The following SNX24 variants were observed in gnomAD, a reference collection of about 807,000 sequenced individuals.
SNX24 encodes the protein sorting nexin-24.
In SNX24, 22 loss-of-function variants were observed where a neutral mutation model predicts 28.7. That is an observed-to-expected ratio of 0.77 (90% CI 0.55 to 1.10). The LOEUF (loss-of-function observed/expected upper bound fraction) is 1.10. Among genes scored for constraint, SNX24 ranks in the 50% least tolerant of loss-of-function variants. SNX24 has a pLI of 0.00. For synonymous variants in SNX24, 69 were observed against 71.5 expected, an observed-to-expected ratio of 0.96 and a Z score of 0.18; for missense variants, 221 against 201.1, an observed-to-expected ratio of 1.10 and a Z score of -0.60.
In SNX24 at chr5:122,982,606, T is replaced by A. The variant is rs77470897; in HGVS notation, c.250-17306T>A. On this transcript the variant is annotated intron_variant, in intron 3 of 6. Coordinates refer to ENST00000261369, the MANE Select transcript of SNX24 (RefSeq NM_014035.4). Reference sequence around the variant, plus strand: ...AGCTGCCCAGCACAGAACAAGTTGTTAACACATAATGCCTTTGAGGAATTT... The same window carrying A: ...AGCTGCCCAGCACAGAACAAGTTGTAAACACATAATGCCTTTGAGGAATTT... Among the ~76,000 whole-genome samples the A allele has an allele frequency of 8.3e-3, 1,260 of 152,334 alleles. 17 individuals carry two copies. The highest frequency in any genetic ancestry group is 0.029 in the African/African-American group (1,195 of 41,572).
At chr5:122,861,378 G>C (rs763630885) in intron 1 of SNX24, among the ~76,000 whole-genome samples, 10 of 152,090 alleles carry the variant, frequency 6.6e-5, no homozygotes, top group Non-Finnish European at 1.3e-4. Flanking sequence ...CCAGCCCTGC[G>C]AAGTATTACT....
At chr5:122,931,220 A>G (rs1561614664) in intron 1 of SNX24, among the ~76,000 whole-genome samples, 1 of 152,170 alleles carries the variant, frequency 6.6e-6, no homozygotes, top group Admixed American at 6.5e-5. Context: ...TCAATGTGGC[A>G]TCTTAAAATA....
intron 3 of SNX24, among the ~76,000 whole-genome samples, chr5:122,953,369 T>C (rs1472778214): frequency 6.6e-6 from 1 of 152,122 alleles, no homozygotes; most frequent in Non-Finnish European, 1.5e-5. Flanking sequence ...CCTCCCAGAG[T>C]GCTAGGATTA....
intron 1 of SNX24, among the ~76,000 whole-genome samples, chr5:122,877,083 A>G (rs951831638): frequency 1.3e-5 from 2 of 152,074 alleles, no homozygotes; most frequent in African/African-American, 4.8e-5. Flanking sequence ...GAAGCTGTCA[A>G]AGTTAACCCT....
intron 1 of SNX24, among the ~76,000 whole-genome samples, chr5:122,912,430 A>G (rs1243231784): frequency 6.6e-6 from 1 of 151,914 alleles, no homozygotes; most frequent in Non-Finnish European, 1.5e-5. Flanking sequence ...GGACAATTTG[A>G]CTTCCTCTTT....
At chr5:122,981,863 A>C (rs1761409709) in intron 3 of SNX24, among the ~76,000 whole-genome samples, 1 of 152,102 alleles carries the variant, frequency 6.6e-6, no homozygotes, top group Non-Finnish European at 1.5e-5. Context: ...CTTTGACTCT[A>C]CTCACTCATC....
At chr5:122,977,142 A>C (rs1389976428) in intron 3 of SNX24, among the ~76,000 whole-genome samples, 1 of 152,180 alleles carries the variant, frequency 6.6e-6, no homozygotes, top group Non-Finnish European at 1.5e-5. Flanking sequence ...CTTTGAAGTG[A>C]AGAAATGGGG....
At chr5:122,909,084 T>C (rs1233142176) in intron 1 of SNX24, among the ~76,000 whole-genome samples, 1 of 152,190 alleles carries the variant, frequency 6.6e-6, no homozygotes, top group Admixed American at 6.5e-5. Flanking sequence ...GACATGCACT[T>C]ATTCCACATA....
intron 1 of SNX24, among the ~76,000 whole-genome samples, chr5:122,899,508 C>T (rs1757338969): frequency 6.6e-6 from 1 of 151,990 alleles, no homozygotes; most frequent in South Asian, 2.1e-4. Flanking sequence ...TCGCAGGCTC[C>T]ATCTGTCCTC....
In SNX24 at chr5:122,913,636, C is replaced by A. The variant is rs1345240882; in HGVS notation, c.61-23098C>A. 2.0e-5 allele frequency among the ~76,000 whole-genome samples: 3 copies of A among 151,848 alleles called. No homozygotes were observed. The East Asian group carries it at 5.9e-4, about 30-fold the overall frequency. ...CCTCACTTCTCAGACGGGGCGGCTG[C>A]CAGGCAGAGGGTCTCCTTACTTCTC... On this transcript the variant is annotated intron_variant, in intron 1 of 6. Transcript: ENST00000261369.
chr5:122,846,626 T>C (rs1393791365), intron 1 of SNX24, among the ~76,000 whole-genome samples: 2 of 152,232 alleles, frequency 1.3e-5, no homozygotes, highest in Non-Finnish European at 2.9e-5. Context: ...TAAATATTAC[T>C]GGTATTTGGT....
At chr5:122,979,741 A>G (rs1273078743) in intron 3 of SNX24, among the ~76,000 whole-genome samples, 1 of 152,218 alleles carries the variant, frequency 6.6e-6, no homozygotes, top group Admixed American at 6.5e-5. Context: ...AAATTAGGTA[A>G]TCTTTAGATA....
chr5:122,970,363 A>G (rs1304587331), intron 3 of SNX24, among the ~76,000 whole-genome samples: 2 of 152,010 alleles, frequency 1.3e-5, no homozygotes, highest in Non-Finnish European at 2.9e-5. Context: ...TGTGGGGTAT[A>G]TATCTCTGAT....
intron 1 of SNX24, among the ~76,000 whole-genome samples, chr5:122,915,058 G>GT (rs1046157908): frequency 3.3e-5 from 5 of 152,066 alleles, no homozygotes; most frequent in Admixed American, 1.3e-4. Context: ...AGATTTCAGG[G>GT]TTTTTTTAGA....
chr5:122,852,074 A>G (rs1754944829), intron 1 of SNX24, among the ~76,000 whole-genome samples: 1 of 151,184 alleles, frequency 6.6e-6, no homozygotes, highest in Admixed American at 6.6e-5. Flanking sequence ...TATTTTATAT[A>G]TGTGTGTGTG....
At chr5:123,006,597 T>G (rs1231702902) in intron 6 of SNX24, among the ~76,000 whole-genome samples, 2 of 152,268 alleles carry the variant, frequency 1.3e-5, no homozygotes, top group Non-Finnish European at 2.9e-5. Context: ...AGCTTCCCAT[T>G]GAGTTTCAGA....
chr5:122,902,656 G>A (rs1377413225), intron 1 of SNX24, among the ~76,000 whole-genome samples: 2 of 152,162 alleles, frequency 1.3e-5, no homozygotes, highest in African/African-American at 4.8e-5. Flanking sequence ...CTATTGGCCA[G>A]TACTGGATTC....
chr5:122,972,964 C>T (rs2150149213), intron 3 of SNX24, among the ~76,000 whole-genome samples: 1 of 152,320 alleles, frequency 6.6e-6, no homozygotes, highest in Non-Finnish European at 1.5e-5. Context: ...AACCTCCATC[C>T]CTGACACCAT....
chr5:122,975,033 A>G (rs1355162686), intron 3 of SNX24, among the ~76,000 whole-genome samples: 1 of 152,222 alleles, frequency 6.6e-6, no homozygotes, highest in Non-Finnish European at 1.5e-5. Flanking sequence ...CTGGAGGACC[A>G]CAATGATGTT....
Sources: gnomAD v4.1 joint callset for allele counts (sites outside exome capture counted in the v4.1 genomes callset) on GRCh38, gnomAD v4.1.1 for gene constraint, MANE v1.5 for transcripts, NCBI Gene and HGNC (gene_info 2026-07-23, HGNC 2026-07-21) for gene names.